KIF2A: variants seen among roughly 807,000 people sequenced by gnomAD.
The protein encoded by KIF2A is kinesin family member 2A, also known as kinesin-like protein KIF2A.
Under a neutral mutation model 100.2 loss-of-function variants are expected in KIF2A, and 22 were observed. The ratio of observed to expected loss-of-function variants is 0.22; its 90% CI spans 0.16 to 0.31. KIF2A has a LOEUF of 0.31. Ranked by LOEUF, KIF2A falls within the 10% of genes least tolerant of loss-of-function variation. The pLI, the probability that KIF2A is intolerant of heterozygous loss-of-function variation, is 1.00. For synonymous variants in KIF2A, 268 were observed against 285.9 expected, an observed-to-expected ratio of 0.94 and a Z score of 0.63; for missense variants, 495 against 898.7, an observed-to-expected ratio of 0.55 and a Z score of 5.74.
At chr5:62,310,682 G>A (rs898425513) in intron 1 of KIF2A, among the ~76,000 whole-genome samples, 4 of 152,198 alleles carry the variant, frequency 2.6e-5, no homozygotes, top group African/African-American at 7.2e-5. Context: ...GGTTATCAGT[G>A]ACAGGGGTTA....
intron 9 of KIF2A, among the ~76,000 whole-genome samples, chr5:62,359,042 C>T (rs763951343): frequency 2.4e-4 from 36 of 152,026 alleles, no homozygotes; most frequent in Non-Finnish European, 4.7e-4. Context: ...TCACTTAAGG[C>T]GAAAAAGTTC....
At chr5:62,342,018 C>A (rs958481758) in intron 1 of KIF2A, among the ~76,000 whole-genome samples, 12 of 152,166 alleles carry the variant, frequency 7.9e-5, no homozygotes, top group Non-Finnish European at 2.9e-5. Context: ...TCACAGTAGT[C>A]TGATTAAAAT....
Position 62,321,553 on chromosome 5 carries a change from T to TTTTG in KIF2A, c.64+15037_64+15040dup, listed in dbSNP as rs535816258. 3.0e-4 allele frequency among the ~76,000 whole-genome samples: 45 copies of TTTTG among 152,182 alleles called. No individual in the cohort carries two copies. In the South Asian group the frequency reaches 6.0e-3, roughly 20 times the overall value. On this transcript the variant is annotated intron_variant, in intron 1 of 20. Transcript: ENST00000407818. ...TTTCCATGTGTTCATTTACCATTTG[T>TTTTG]TTTGTTTGTTTGTTTGTTTGTTTTT...
At chr5:62,319,341 T>G (rs1044438685) in intron 1 of KIF2A, among the ~76,000 whole-genome samples, 5 of 152,218 alleles carry the variant, frequency 3.3e-5, no homozygotes, top group African/African-American at 1.2e-4. Flanking sequence ...TGGCTTATGG[T>G]GGACCCTGAA....
At chr5:62,376,441 G>A (rs1034256224) in intron 18 of KIF2A, among the ~76,000 whole-genome samples, 2 of 151,372 alleles carry the variant, frequency 1.3e-5, no homozygotes, top group African/African-American at 4.8e-5. Flanking sequence ...TTTTTTTGAG[G>A]TGGAATCTTG....
At chr5:62,365,028 G>T (rs1266092048) in intron 14 of KIF2A, among the ~76,000 whole-genome samples, 1 of 152,186 alleles carries the variant, frequency 6.6e-6, no homozygotes, top group Admixed American at 6.5e-5. Context: ...TGGAGACAAA[G>T]GTTGTAGTGA....
At position 62,377,257 on chromosome 5, in the gene KIF2A, C is replaced by A. The variant is rs566501558; in HGVS notation, c.1912-404C>A. Reference sequence around the variant, plus strand: ...TCATCTAAAGATACTATCTTCATATCTTTTTTAACAAAAGAAACTTAAACA... The same window carrying A: ...TCATCTAAAGATACTATCTTCATATATTTTTTAACAAAAGAAACTTAAACA... On this transcript the variant is annotated intron_variant, in intron 18 of 20. Transcript: ENST00000407818. 3.3e-5 allele frequency among the ~76,000 whole-genome samples: 5 copies of A among 152,172 alleles called. No individual in the cohort carries two copies. In the East Asian group the frequency reaches 9.6e-4, roughly 29 times the overall value.
At chr5:62,353,453 C>A in intron 6 of KIF2A, 78 bp downstream of exon 6, 1 of 614,746 alleles carries the variant, frequency 1.6e-6, no homozygotes, top group Non-Finnish European at 2.6e-6. Context: ...TTGATGTGAA[C>A]AAAATAATTA....
At chr5:62,367,941 C>T (rs941966601) in intron 16 of KIF2A, among the ~76,000 whole-genome samples, 1 of 152,110 alleles carries the variant, frequency 6.6e-6, no homozygotes, top group Admixed American at 6.5e-5. Context: ...TATAGCAGTT[C>T]TCTTAATTTT....
chr5:62,329,903 T>C lies in KIF2A; in HGVS notation c.65-17227T>C, dbSNP rs368584796. Among the ~76,000 whole-genome samples, 696 of 152,342 alleles carry C rather than the reference T, an allele frequency of 4.6e-3. 3 individuals are homozygous for C. The highest frequency in any genetic ancestry group is 0.014 in the African/African-American group (577 of 41,588). On this transcript the variant is annotated intron_variant, in intron 1 of 20. Coordinates refer to ENST00000407818, the MANE Select transcript of KIF2A (RefSeq NM_001098511.3). ...TTTTAAAAGACCAATCTTAAAACTC[T>C]TTAGACAATGAAAGCTTATTAACAT...
chr5:62,328,188 T>C (rs1746470582), intron 1 of KIF2A, among the ~76,000 whole-genome samples: 1 of 152,016 alleles, frequency 6.6e-6, no homozygotes, highest in African/African-American at 2.4e-5. Flanking sequence ...AAGATACATT[T>C]GGTATATATT....
intron 1 of KIF2A, among the ~76,000 whole-genome samples, chr5:62,341,890 A>C (rs1747311628): frequency 6.6e-6 from 1 of 152,162 alleles, no homozygotes; most frequent in Non-Finnish European, 1.5e-5. Context: ...AATTGCATGG[A>C]GATCCACCTT....
intron 5 of KIF2A, 37 bp from the exon 6 acceptor site, chr5:62,353,234 AAAAG>A (rs1288000667): frequency 8.2e-7 from 1 of 1,223,626 alleles, no homozygotes; most frequent in Non-Finnish European, 1.1e-6. Context: ...AGTACTCTAA[AAAAG>A]AAAACTATAC....
intron 2 of KIF2A, 132 bp from the exon 3 acceptor site, chr5:62,347,916 A>C (rs1580056409): frequency 1.1e-6 from 1 of 929,382 alleles, no homozygotes; most frequent in Non-Finnish European, 1.6e-6. Context: ...GAGCCACTGC[A>C]CCCAGCCGAG....
Position 62,311,416 on chromosome 5 carries a change from A to AAGT in KIF2A, c.64+4882_64+4884dup, listed in dbSNP as rs1745547643. ...CACCAAACCTAAAATTGTGGGAGGA[A>AAGT]AGTATTCTTGTTTCTTAGTTAAGTA... On this transcript the variant is annotated intron_variant, in intron 1 of 20. Coordinates refer to ENST00000407818, the MANE Select transcript of KIF2A (RefSeq NM_001098511.3). 5.3e-5 allele frequency among the ~76,000 whole-genome samples: 8 copies of AAGT among 152,188 alleles called. No homozygotes were observed. In the South Asian group the frequency reaches 1.4e-3, roughly 28 times the overall value.
intron 20 of KIF2A, among the ~76,000 whole-genome samples, chr5:62,382,878 C>T (rs1228472901): frequency 1.3e-5 from 2 of 151,308 alleles, no homozygotes; most frequent in Admixed American, 6.6e-5. Context: ...CCACCTGCCT[C>T]GGCCTCCCAA....
intron 20 of KIF2A, among the ~76,000 whole-genome samples, chr5:62,384,882 C>G (rs1221437794): frequency 6.6e-6 from 1 of 152,118 alleles, no homozygotes; most frequent in Non-Finnish European, 1.5e-5. Flanking sequence ...GTGGCTCATG[C>G]CTATAATCCC....
intron 16 of KIF2A, among the ~76,000 whole-genome samples, chr5:62,371,390 G>A (rs913799817): frequency 6.6e-6 from 1 of 152,122 alleles, no homozygotes; most frequent in African/African-American, 2.4e-5. Flanking sequence ...TGTTAGTAGA[G>A]GAAACATATT....
intron 14 of KIF2A, 141 bp from the exon 15 acceptor site, chr5:62,365,102 A>G (rs984238000): frequency 4.4e-6 from 2 of 455,664 alleles, no homozygotes; most frequent in Non-Finnish European, 7.7e-6. Context: ...CAAAAAAAAA[A>G]TAAAACTGTT....
Sources: gnomAD v4.1 joint callset for allele counts (sites outside exome capture counted in the v4.1 genomes callset) on GRCh38, gnomAD v4.1.1 for gene constraint, MANE v1.5 for transcripts, NCBI Gene and HGNC (gene_info 2026-07-23, HGNC 2026-07-21) for gene names.